Variants in ITCH observed in about 807,000 individuals in gnomAD.
ITCH encodes E3 ubiquitin-protein ligase Itchy homolog.
ITCH carries 28 observed loss-of-function variants against 126.8 expected under a neutral mutation model. The observed-to-expected ratio is 0.22, with a 90% CI of 0.16 to 0.30. The LOEUF (loss-of-function observed/expected upper bound fraction) is 0.30. Ranked by LOEUF, ITCH falls within the 10% of genes least tolerant of loss-of-function variation. The pLI is 1.00. For synonymous variants in ITCH, 342 were observed against 340.0 expected, an observed-to-expected ratio of 1.01 and a Z score of -0.06; for missense variants, 631 against 1,032.4, an observed-to-expected ratio of 0.61 and a Z score of 5.33.
Position 34,503,853 on chromosome 20 carries a change from GT to G in ITCH, c.2417-463del, listed in dbSNP as rs776389533. 8.5e-4 allele frequency among the ~76,000 whole-genome samples: 73 copies of G among 86,166 alleles called. 1 individual carries two copies. Among genetic ancestry groups the G allele is most frequent in the African/African-American group, 1.8e-3 (42 of 22,978 alleles). 56.5% of individuals were successfully genotyped at this position (86,166 alleles called of 152,430 possible). On this transcript the variant is annotated intron_variant, in intron 23 of 24. Transcript: ENST00000374864. ...TGTTGGTTGCTTTTGGGTTTTTTGGGTTTTTTTTTTTTTTTGGTTTTTTTTT... is the reference window on the plus strand; with the variant it reads ...TGTTGGTTGCTTTTGGGTTTTTTGGGTTTTTTTTTTTTTTGGTTTTTTTTT...
Position 34,511,068 on chromosome 20 carries a change from C to T in ITCH, c.*3274C>T, listed in dbSNP as rs998112266. ...CTTTCCTGTTGTGGATGTAACTTAC[C>T]TTTCTAAACTCCTTTAGAGTTAACG... On this transcript the variant is annotated 3_prime_UTR_variant, in exon 25 of 25. Coordinates refer to ENST00000374864, the MANE Select transcript of ITCH (RefSeq NM_031483.7). 7 of 152,152 alleles carry T rather than the reference C, an allele frequency of 4.6e-5. No homozygotes were observed. The highest frequency in any genetic ancestry group is 1.4e-4 in the African/African-American group (6 of 41,420). The allele number at this position is 152,152 out of a possible 1,614,324, so 9.4% of individuals were successfully genotyped here.
In ITCH at chr20:34,480,593, T is replaced by C. The variant is rs1260854497; in HGVS notation, c.1819-6T>C. 3.2e-5 allele frequency: 51 copies of C among 1,613,576 alleles called. No homozygotes were observed. Among genetic ancestry groups the C allele is most frequent in the Non-Finnish European group, 4.3e-5 (51 of 1,179,726 alleles). On this transcript the variant is annotated splice_polypyrimidine_tract_variant and splice_region_variant and intron_variant, in intron 18 of 24. Transcript: ENST00000374864. Reference sequence around the variant, plus strand: ...TTTTAAGCGGTCTTGTTTCCTTTTTTCATAGGCTCTGTTCCATGGGAAATT... The same window carrying C: ...TTTTAAGCGGTCTTGTTTCCTTTTTCCATAGGCTCTGTTCCATGGGAAATT...
At chr20:34,443,820 A>G (rs1316146819) in intron 10 of ITCH, among the ~76,000 whole-genome samples, 1 of 152,056 alleles carries the variant, frequency 6.6e-6, no homozygotes, top group African/African-American at 2.4e-5. Flanking sequence ...CCCCATCACT[A>G]TAGAAAGAAA....
intron 3 of ITCH, among the ~76,000 whole-genome samples, chr20:34,405,023 C>T (rs2039009427): frequency 6.6e-6 from 1 of 151,432 alleles, no homozygotes. Context: ...CCTGTAGTCC[C>T]AGCCACTTGG....
chr20:34,428,192 A>G (rs1452581907), intron 7 of ITCH, among the ~76,000 whole-genome samples: 2 of 152,234 alleles, frequency 1.3e-5, no homozygotes, highest in African/African-American at 4.8e-5. Context: ...AAAGCTGTTT[A>G]AATGTTACTA....
At chr20:34,503,888 T>TG (rs1216980125) in intron 23 of ITCH, among the ~76,000 whole-genome samples, 107 of 143,860 alleles carry the variant, frequency 7.4e-4, no homozygotes, top group African/African-American at 2.5e-3. Flanking sequence ...TTTTTTGGTT[T>TG]TTTTTTTTTT....
intron 20 of ITCH, among the ~76,000 whole-genome samples, chr20:34,483,545 C>A (rs1988907471): frequency 6.6e-6 from 1 of 152,202 alleles, no homozygotes; most frequent in African/African-American, 2.4e-5. Flanking sequence ...CAAAGAGTCA[C>A]CTTTGCTGCA....
At chr20:34,423,038 G>A (rs1356441693) in intron 6 of ITCH, among the ~76,000 whole-genome samples, 1 of 152,096 alleles carries the variant, frequency 6.6e-6, no homozygotes, top group African/African-American at 2.4e-5. Flanking sequence ...CAGGCAATCT[G>A]CCCACCTTGG....
chr20:34,363,441 G>C (rs1483510063), intron 1 of ITCH, 92 bp downstream of exon 1: 1 of 152,374 alleles, frequency 6.6e-6, no homozygotes, highest in African/African-American at 2.4e-5. Flanking sequence ...AGAGGAGTGG[G>C]ACGCGCGGTT....
chr20:34,508,179 A>T lies in ITCH; in HGVS notation c.*385A>T, dbSNP rs979376327. On this transcript the variant is annotated 3_prime_UTR_variant, in exon 25 of 25. Transcript: ENST00000374864. ...TCCTTTGGTAACTGCAATATACAAGATTTTCCTATTAAGCCTCTTGGTAAG... is the reference window on the plus strand; with the variant it reads ...TCCTTTGGTAACTGCAATATACAAGTTTTTCCTATTAAGCCTCTTGGTAAG... 6.3e-5 allele frequency: 15 copies of T among 238,122 alleles called. No individual in the cohort carries two copies. Among genetic ancestry groups the T allele is most frequent in the African/African-American group, 3.2e-4 (14 of 44,312 alleles). The allele number at this position is 238,122 out of a possible 1,614,324, so 14.8% of individuals were successfully genotyped here. A position where few individuals can be genotyped will look rare whatever the true frequency, so the allele number is the denominator to read the frequency against.
At position 34,477,782 on chromosome 20, in the gene ITCH, T is replaced by G; in HGVS notation, c.1580T>G (p.Phe527Cys). The G allele has an allele frequency of 6.2e-7, 1 of 1,613,662 alleles. No individual in the cohort carries two copies. Among genetic ancestry groups the G allele is most frequent in the Middle Eastern group, 1.7e-4 (1 of 6,060 alleles). Residue 527 changes from phenylalanine (F) to cysteine (C), a missense_variant, in exon 17 of 25, where the codon TTC becomes TGC. Around this residue, in one of 4 missense-constraint regions of ITCH, gnomAD observed 390 missense variants for 731.6 expected, o/e 0.53. Coordinates refer to ENST00000374864, the MANE Select transcript of ITCH (RefSeq NM_031483.7). ...TTTATTTTTTTTTAGATAATGAGCT[T>G]CAGTCCCCAAGATCTGCGAAGACGT... Reference protein sequence around the residue: ...FEDSFQQIMSFSPQDLRRRLW... With the variant: ...FEDSFQQIMSCSPQDLRRRLW...
At chr20:34,481,856 C>CA (rs1451671342) in intron 20 of ITCH, among the ~76,000 whole-genome samples, 2 of 152,088 alleles carry the variant, frequency 1.3e-5, no homozygotes, top group African/African-American at 4.8e-5. Context: ...ACTAAAAATA[C>CA]AAAAATTAGC....
rs79899665 is a variant in ITCH at position 34,485,499 on chromosome 20, A to G, written c.2094-3767A>G. On this transcript the variant is annotated intron_variant, in intron 20 of 24. Transcript: ENST00000374864. ...CTAATGGTGTCAAGTACGTTTTTCT[A>G]TGCATATTGATCATTTGTAGCTCTT... is the stretch of plus-strand genomic sequence containing the variant. Among the ~76,000 whole-genome samples, 274 of 152,236 alleles carry G rather than the reference A, an allele frequency of 1.8e-3. 6 individuals carry two copies. The East Asian group carries it at 0.05, about 28-fold the overall frequency.
chr20:34,504,537 A>G (rs1316494092), intron 24 of ITCH, 134 bp downstream of exon 24: 1 of 697,240 alleles, frequency 1.4e-6, no homozygotes, highest in Non-Finnish European at 2.6e-6. Flanking sequence ...ATCCAGTTTA[A>G]GAGCATTTTG....
At chr20:34,469,216 A>G (rs1987382716) in intron 14 of ITCH, among the ~76,000 whole-genome samples, 1 of 132,536 alleles carries the variant, frequency 7.5e-6, no homozygotes, top group African/African-American at 2.8e-5. Flanking sequence ...GGAAGGGCAA[A>G]TTATAAACAC....
rs2038572425 is a variant in ITCH, at chr20:34,393,836, G to C, written c.25G>C (p.Gly9Arg). 3 of 1,613,868 alleles carry C rather than the reference G, an allele frequency of 1.9e-6. No homozygotes were observed. Among genetic ancestry groups the C allele is most frequent in the Non-Finnish European group, 1.7e-6 (2 of 1,179,912 alleles). The change falls in exon 3 of 25, where the codon GGT becomes CGT. Residue 9 changes from glycine (G) to arginine (R), a missense_variant. This residue lies in a region of ITCH where 19 missense variants were observed against 17.5 expected (regional missense o/e 1.08). Transcript: ENST00000374864. ...TATGTCTGACAGTGGATCACAACTT[G>C]GTTCAATGGGTAGCCTCACCATGAA... MSDSGSQL[G>R]SMGSLTMKSQ...
chr20:34,448,044 A>G (rs536236266), intron 11 of ITCH, among the ~76,000 whole-genome samples: 5 of 152,236 alleles, frequency 3.3e-5, no homozygotes, highest in Non-Finnish European at 7.3e-5. Context: ...GTATTGGATG[A>G]TAAAATTAAC....
At chr20:34,376,020 C>A (rs982552256) in intron 2 of ITCH, among the ~76,000 whole-genome samples, 3 of 151,904 alleles carry the variant, frequency 2.0e-5, no homozygotes, top group African/African-American at 7.3e-5. Flanking sequence ...AGCTAGAAAT[C>A]AAGATTTTGT....
chr20:34,481,306 G>A (rs992559660), intron 20 of ITCH, 100 bp downstream of exon 20: 2 of 1,278,054 alleles, frequency 1.6e-6, no homozygotes, highest in South Asian at 2.4e-5. Context: ...AATAGTATTT[G>A]TCTCTGTACT....
Sources: gnomAD v4.1 joint callset for allele counts (sites outside exome capture counted in the v4.1 genomes callset) on GRCh38, gnomAD v4.1.1 for gene constraint, gnomAD v4.1.1 regional missense constraint, MANE v1.5 for transcripts, NCBI Gene and HGNC (gene_info 2026-07-23, HGNC 2026-07-21) for gene names.